The following SORCS3 variants were observed in gnomAD, a reference collection of about 807,000 sequenced individuals.
SORCS3 encodes the protein sortilin related VPS10 domain containing receptor 3.
In SORCS3, 57 loss-of-function variants were observed where a neutral mutation model predicts 146.3. The ratio of observed to expected loss-of-function variants is 0.39; its 90% confidence interval spans 0.31 to 0.49. SORCS3 has a LOEUF of 0.49. Ranked by LOEUF, SORCS3 falls within the 20% of genes least tolerant of loss-of-function variation. The pLI is 0.92. For synonymous variants in SORCS3, 653 were observed against 618.5 expected, an observed-to-expected ratio of 1.06 and a Z score of -0.83; for missense variants, 1,341 against 1,575.5, an observed-to-expected ratio of 0.85 and a Z score of 2.52.
intron 14 of SORCS3, among the ~76,000 whole-genome samples, chr10:105,179,509 T>G (rs539890741): frequency 6.6e-6 from 1 of 152,332 alleles, no homozygotes; most frequent in South Asian, 2.1e-4. Context: ...GAATAGAGCA[T>G]AATCATTTTC....
At chr10:105,232,445 C>T (rs1222910920) in intron 20 of SORCS3, among the ~76,000 whole-genome samples, 4 of 151,942 alleles carry the variant, frequency 2.6e-5, no homozygotes, top group Admixed American at 2.0e-4. Flanking sequence ...CTTAATTAGC[C>T]TGGCCAGAGG....
chr10:104,972,624 GAGAGAGAGAGAA>G (rs1279829915), intron 3 of SORCS3, among the ~76,000 whole-genome samples: 1 of 151,894 alleles, frequency 6.6e-6, no homozygotes, highest in Admixed American at 6.6e-5. Context: ...TGGGATGGGG[GAGAGAGAGAGAA>G]AGAGAGAGAG....
chr10:104,802,569 G>A (rs1266396557), intron 1 of SORCS3, among the ~76,000 whole-genome samples: 2 of 152,196 alleles, frequency 1.3e-5, no homozygotes, highest in Non-Finnish European at 2.9e-5. Flanking sequence ...ATTGGATGGA[G>A]CAAAAACAAA....
intron 4 of SORCS3, among the ~76,000 whole-genome samples, chr10:105,029,443 G>T (rs2055250415): frequency 6.6e-6 from 1 of 152,148 alleles, no homozygotes; most frequent in Non-Finnish European, 1.5e-5. Flanking sequence ...TATCTAGAGG[G>T]AAACCTAATT....
chr10:104,754,516 G>C lies in SORCS3; in HGVS notation c.628-88276G>C, dbSNP rs577986899. Among the ~76,000 whole-genome samples the C allele has an allele frequency of 9.0e-4, 137 of 152,176 alleles. 2 individuals carry two copies. The highest frequency in any genetic ancestry group is 3.0e-3 in the African/African-American group (126 of 41,518). On this transcript the variant is annotated intron_variant, in intron 1 of 26. Transcript: ENST00000369701. ...ATGTTAGACACAAAGTCCAGAATAGGGGGGGAAAAACTTTACCCCCCTGGC... is the reference window on the plus strand; with the variant it reads ...ATGTTAGACACAAAGTCCAGAATAGCGGGGGAAAAACTTTACCCCCCTGGC...
At chr10:105,160,965 A>G (rs1589663252) in intron 11 of SORCS3, among the ~76,000 whole-genome samples, 1 of 152,322 alleles carries the variant, frequency 6.6e-6, no homozygotes, top group Non-Finnish European at 1.5e-5. Flanking sequence ...GTATGTGTCT[A>G]TAAGACCCAG....
intron 6 of SORCS3, among the ~76,000 whole-genome samples, chr10:105,097,958 C>G (rs1023634481): frequency 2.6e-5 from 4 of 152,192 alleles, no homozygotes; most frequent in South Asian, 2.1e-4. Context: ...TTCTTCTCAT[C>G]ATCATCCCGC....
Position 105,216,925 on chromosome 10 carries a change from C to G in SORCS3, c.2548-11C>G. On this transcript the variant is annotated splice_polypyrimidine_tract_variant and intron_variant, in intron 18 of 26. Coordinates refer to ENST00000369701, the MANE Select transcript of SORCS3 (RefSeq NM_014978.3). Reference sequence around the variant, plus strand: ...CAAGTAAATTGACCCGTCTGCTATGCCATCTTGCAGGGTGATCTACAAAGG... The same window carrying G: ...CAAGTAAATTGACCCGTCTGCTATGGCATCTTGCAGGGTGATCTACAAAGG... 6.2e-7 allele frequency: 1 copy of G among 1,613,874 alleles called. No individual in the cohort carries two copies. Among genetic ancestry groups the G allele is most frequent in the South Asian group, 1.1e-5 (1 of 91,060 alleles).
At chr10:105,255,112 CG>C (rs1185105079) in intron 23 of SORCS3, among the ~76,000 whole-genome samples, 4 of 135,968 alleles carry the variant, frequency 2.9e-5, no homozygotes, top group East Asian at 4.6e-4. Context: ...GGCGTGAACC[CG>C]GGGGGGCGGA....
At chr10:104,968,932 A>G (rs942323237) in intron 3 of SORCS3, among the ~76,000 whole-genome samples, 1 of 152,230 alleles carries the variant, frequency 6.6e-6, no homozygotes, top group Non-Finnish European at 1.5e-5. Flanking sequence ...CACAGTCCTC[A>G]CCAGTCCCTG....
At chr10:104,820,429 C>T (rs968812918) in intron 1 of SORCS3, among the ~76,000 whole-genome samples, 1 of 152,262 alleles carries the variant, frequency 6.6e-6, no homozygotes, top group Non-Finnish European at 1.5e-5. Context: ...TTATAAACAT[C>T]TACTATGTAT....
rs559155943 is a variant in SORCS3, at chr10:104,660,059, C to T, written c.627+18105C>T. Among the ~76,000 whole-genome samples the T allele has an allele frequency of 4.6e-5, 7 of 152,248 alleles. No individual in the cohort carries two copies. The East Asian group carries it at 1.4e-3, about 29-fold the overall frequency. ...ATAGCCCTTCCTTTCTCTTTTTTCTCACACAGCAGCAGCTCCAGCCCGATT... is the reference window on the plus strand; with the variant it reads ...ATAGCCCTTCCTTTCTCTTTTTTCTTACACAGCAGCAGCTCCAGCCCGATT... On this transcript the variant is annotated intron_variant, in intron 1 of 26. Coordinates refer to ENST00000369701, the MANE Select transcript of SORCS3 (RefSeq NM_014978.3).
intron 7 of SORCS3, among the ~76,000 whole-genome samples, chr10:105,115,230 T>A (rs142025798): frequency 2.0e-5 from 3 of 152,196 alleles, no homozygotes; most frequent in Admixed American, 6.5e-5. Flanking sequence ...AATTTTCTCA[T>A]CTCTGTAGAA....
intron 3 of SORCS3, among the ~76,000 whole-genome samples, chr10:104,953,203 C>T (rs1186451594): frequency 6.6e-6 from 1 of 152,186 alleles, no homozygotes; most frequent in African/African-American, 2.4e-5. Context: ...TTTAACTTCT[C>T]ACTGGGTCTA....
intron 2 of SORCS3, among the ~76,000 whole-genome samples, chr10:104,913,057 G>T (rs1313646119): frequency 6.6e-6 from 1 of 152,196 alleles, no homozygotes; most frequent in East Asian, 1.9e-4. Flanking sequence ...GAGAGAAAGG[G>T]CCAGAGGAGC....
rs1303352277 is a variant in SORCS3 at position 104,893,445 on chromosome 10, C to T, written c.696-22388C>T. Among the ~76,000 whole-genome samples the T allele has an allele frequency of 2.6e-5, 4 of 152,180 alleles. No homozygotes were observed. In the East Asian group the frequency reaches 7.7e-4, roughly 29 times the overall value. On this transcript the variant is annotated intron_variant, in intron 2 of 26. Transcript: ENST00000369701. Reference sequence around the variant, plus strand: ...CTCCCCACACTGTCTGCCTTGTCAGCTTTGGTAATCAGAGCAAGGTAAGGT... The same window carrying T: ...CTCCCCACACTGTCTGCCTTGTCAGTTTTGGTAATCAGAGCAAGGTAAGGT...
At chr10:105,127,521 C>T (rs1462318254) in intron 7 of SORCS3, among the ~76,000 whole-genome samples, 1 of 152,012 alleles carries the variant, frequency 6.6e-6, no homozygotes, top group African/African-American at 2.4e-5. Context: ...GTAATTAGAC[C>T]TCACCTGCAG....
chr10:104,971,327 G>T (rs2054859329), intron 3 of SORCS3, among the ~76,000 whole-genome samples: 1 of 152,210 alleles, frequency 6.6e-6, no homozygotes, highest in Non-Finnish European at 1.5e-5. Context: ...GCATGTTTTG[G>T]ACTAAGACAA....
intron 1 of SORCS3, among the ~76,000 whole-genome samples, chr10:104,734,843 T>A (rs918718351): frequency 6.6e-6 from 1 of 152,282 alleles, no homozygotes; most frequent in Admixed American, 6.5e-5. Flanking sequence ...ACTGAAAGAT[T>A]TAATCTCTCT....
Sources: gnomAD v4.1 joint callset for allele counts (sites outside exome capture counted in the v4.1 genomes callset) on GRCh38, gnomAD v4.1.1 for gene constraint, MANE v1.5 for transcripts, NCBI Gene and HGNC (gene_info 2026-07-23, HGNC 2026-07-21) for gene names.